Variants in DYNC1I1 observed in about 807,000 individuals in gnomAD.
DYNC1I1 encodes the protein cytoplasmic dynein 1 intermediate chain 1.
In DYNC1I1, 43 loss-of-function variants were observed where a neutral mutation model predicts 86.6. The observed-to-expected ratio is 0.50, with a 90% CI of 0.39 to 0.64. DYNC1I1 has a LOEUF of 0.64. Ranked by LOEUF, DYNC1I1 falls within the 30% of genes least tolerant of loss-of-function variation. The probability of loss-of-function intolerance (pLI) is 0.00; values close to 1 mark genes in which losing one functional copy is unlikely to be tolerated. For missense variants in DYNC1I1, 604 were observed against 788.8 expected, an observed-to-expected ratio of 0.77 and a Z score of 2.81; for synonymous variants, 262 against 283.7, an observed-to-expected ratio of 0.92 and a Z score of 0.77.
chr7:96,046,061 T>C (rs568280730), intron 14 of DYNC1I1, among the ~76,000 whole-genome samples: 2 of 152,310 alleles, frequency 1.3e-5, no homozygotes, highest in East Asian at 3.9e-4. Context: ...CATTAACCAC[T>C]GTCAGGGAAG....
intron 2 of DYNC1I1, among the ~76,000 whole-genome samples, chr7:95,807,365 A>T (rs1479749475): frequency 6.6e-6 from 1 of 152,092 alleles, no homozygotes; most frequent in Admixed American, 6.6e-5. Context: ...CACGTGAAGG[A>T]GTCTGGAGTT....
At chr7:95,841,185 A>G (rs561590699) in intron 5 of DYNC1I1, among the ~76,000 whole-genome samples, 1 of 152,162 alleles carries the variant, frequency 6.6e-6, no homozygotes, top group Non-Finnish European at 1.5e-5. Flanking sequence ...AAAGGTCTAG[A>G]TGGGTAGTTT....
downstream of DYNC1I1, chr7:96,098,430 G>GCA: frequency 1.0e-6 from 1 of 985,170 alleles, no homozygotes; most frequent in South Asian, 4.7e-5. Flanking sequence ...AACCAGGTCT[G>GCA]CACCAGTGTG....
At chr7:95,793,296 A>C (rs775851064) in intron 1 of DYNC1I1, among the ~76,000 whole-genome samples, 5 of 152,128 alleles carry the variant, frequency 3.3e-5, no homozygotes, top group Non-Finnish European at 5.9e-5. Flanking sequence ...GGTGAGTTCG[A>C]GGATTTGGGG....
chr7:95,899,000 CTTTTG>C (rs1790964018), intron 6 of DYNC1I1, among the ~76,000 whole-genome samples: 1 of 152,054 alleles, frequency 6.6e-6, no homozygotes, highest in Non-Finnish European at 1.5e-5. Context: ...ATTTAAAATG[CTTTTG>C]TTTTGTCACC....
At chr7:95,816,902 A>G (rs551210104) in intron 4 of DYNC1I1, among the ~76,000 whole-genome samples, 5 of 152,308 alleles carry the variant, frequency 3.3e-5, no homozygotes, top group Admixed American at 1.3e-4. Context: ...AATAGAAAAT[A>G]TTTTCTCAAT....
Position 96,005,440 on chromosome 7 carries a change from G to A in DYNC1I1, c.969+9367G>A, listed in dbSNP as rs146145092. 3.5e-3 allele frequency among the ~76,000 whole-genome samples: 540 copies of A among 152,174 alleles called. 2 individuals carry two copies. Among genetic ancestry groups the A allele is most frequent in the African/African-American group, 0.012 (502 of 41,530 alleles). On this transcript the variant is annotated intron_variant, in intron 10 of 16. Coordinates refer to ENST00000447467, the MANE Select transcript of DYNC1I1 (RefSeq NM_001135556.2). ...CTCTGTGATTTTTCATCTTGGGTGG[G>A]CGCTCTTTGTGAACAGCGATGTTGC...
intron 10 of DYNC1I1, among the ~76,000 whole-genome samples, chr7:96,016,096 G>A (rs1794395774): frequency 6.6e-6 from 1 of 151,992 alleles, no homozygotes; most frequent in South Asian, 2.1e-4. Flanking sequence ...GTTGGGCGTA[G>A]GTCTTCACTT....
intron 14 of DYNC1I1, among the ~76,000 whole-genome samples, chr7:96,067,180 CTTA>C (rs1790017689): frequency 1.3e-5 from 2 of 152,084 alleles, no homozygotes; most frequent in Non-Finnish European, 2.9e-5. Flanking sequence ...AGACATAAGA[CTTA>C]AAACAGGCAA....
intron 14 of DYNC1I1, among the ~76,000 whole-genome samples, chr7:96,041,919 A>G (rs1278310434): frequency 6.6e-6 from 1 of 152,184 alleles, no homozygotes; most frequent in Non-Finnish European, 1.5e-5. Context: ...AGAAAATGAA[A>G]TAAATTTAAA....
chr7:95,989,525 A>G (rs777908542), intron 9 of DYNC1I1, among the ~76,000 whole-genome samples: 2 of 152,322 alleles, frequency 1.3e-5, no homozygotes, highest in Non-Finnish European at 2.9e-5. Context: ...TATCTGACAC[A>G]TTCCTCAAAG....
chr7:96,080,739 G>A (rs1314133208), intron 16 of DYNC1I1, among the ~76,000 whole-genome samples: 2 of 152,086 alleles, frequency 1.3e-5, no homozygotes, highest in East Asian at 3.9e-4. Context: ...CCATCATCCT[G>A]TGATGGAGTG....
chr7:95,812,363 A>G (rs1437985567), intron 3 of DYNC1I1, among the ~76,000 whole-genome samples: 5 of 152,198 alleles, frequency 3.3e-5, no homozygotes, highest in African/African-American at 7.2e-5. Flanking sequence ...TGCAGCTTCT[A>G]TCTGAAGGAC....
At chr7:95,879,083 A>C (rs1268850880) in intron 6 of DYNC1I1, among the ~76,000 whole-genome samples, 2 of 152,186 alleles carry the variant, frequency 1.3e-5, no homozygotes, top group African/African-American at 4.8e-5. Context: ...CTTACAAGAA[A>C]TATAAAAGAA....
chr7:96,083,810 T>C (rs1275877909), intron 16 of DYNC1I1, among the ~76,000 whole-genome samples: 5 of 152,182 alleles, frequency 3.3e-5, no homozygotes, highest in Admixed American at 3.3e-4. Context: ...CTGGTCCCTA[T>C]TAAAACGAAA....
intron 6 of DYNC1I1, among the ~76,000 whole-genome samples, chr7:95,880,296 G>A (rs993249948): frequency 2.0e-5 from 3 of 152,024 alleles, no homozygotes; most frequent in South Asian, 2.1e-4. Flanking sequence ...TGTGAAGTCC[G>A]TTCGTGGAAT....
At chr7:95,897,535 G>A (rs143323189) in intron 6 of DYNC1I1, among the ~76,000 whole-genome samples, 2 of 152,022 alleles carry the variant, frequency 1.3e-5, no homozygotes, top group African/African-American at 2.4e-5. Flanking sequence ...TCAATAGGAG[G>A]CCTAGAGGGC....
intron 16 of DYNC1I1, among the ~76,000 whole-genome samples, chr7:96,083,642 G>A (rs1790589555): frequency 6.6e-6 from 1 of 152,170 alleles, no homozygotes; most frequent in Non-Finnish European, 1.5e-5. Flanking sequence ...ATGGCAGGGT[G>A]GCACATTTGG....
intron 1 of DYNC1I1, among the ~76,000 whole-genome samples, chr7:95,793,792 C>T (rs537301302): frequency 3.3e-5 from 5 of 152,272 alleles, no homozygotes; most frequent in Admixed American, 6.5e-5. Context: ...ATCTTTAACT[C>T]GTTTACGTAA....
Sources: allele counts gnomAD v4.1 joint callset (sites outside exome capture counted in the v4.1 genomes callset), GRCh38; gene constraint gnomAD v4.1.1; transcripts MANE v1.5; gene names NCBI Gene and HGNC (gene_info 2026-07-23, HGNC 2026-07-21).